Variants in LPO observed in about 807,000 individuals in gnomAD.
The protein encoded by LPO is lactoperoxidase, also known as salivary peroxidase.
In LPO, 70 loss-of-function variants were observed where a neutral mutation model predicts 68.4. That is an observed-to-expected ratio of 1.02 (90% CI 0.84 to 1.25). The LOEUF (loss-of-function observed/expected upper bound fraction) is 1.25, where lower values mean the gene tolerates loss of function less well. Among genes scored for constraint, LPO ranks in the 50% most tolerant of loss-of-function variants. The pLI, the probability that LPO is intolerant of heterozygous loss-of-function variation, is 0.00. For missense variants in LPO, 873 were observed against 908.4 expected (o/e 0.96, Z 0.50); for synonymous variants, 360 against 357.6 (o/e 1.01, Z -0.08).
intron 9 of LPO, among the ~76,000 whole-genome samples, chr17:58,257,623 A>T (rs915029762): frequency 1.4e-4 from 21 of 152,182 alleles, no homozygotes; most frequent in African/African-American, 4.8e-4. Flanking sequence ...TATCTCTTTG[A>T]TATACTGATT....
At chr17:58,249,287 C>T (rs1328326287) in intron 5 of LPO, 110 bp downstream of exon 5, 1 of 1,049,154 alleles carries the variant, frequency 9.5e-7, no homozygotes, top group Non-Finnish European at 1.4e-6. Context: ...CCTTGCCCAC[C>T]TGGGCTGGCG....
chr17:58,256,516 G>A (rs1431866664), intron 9 of LPO, among the ~76,000 whole-genome samples: 3 of 151,570 alleles, frequency 2.0e-5, no homozygotes, highest in Admixed American at 1.3e-4. Context: ...TAAGCACATC[G>A]TGAAGAATGA....
At position 58,267,435 on chromosome 17, in the gene LPO, G is replaced by A. The variant is rs752945647; in HGVS notation, c.1780G>A (p.Ala594Thr). ...LNTVLKSKML[A>T]KKLLGLYGTP... Reference sequence around the variant, plus strand: ...CACAGTGCTGAAGAGCAAGATGCTGGCCAAGAAGTTACTGGGTCTCTACGG... The same window carrying A: ...CACAGTGCTGAAGAGCAAGATGCTGACCAAGAAGTTACTGGGTCTCTACGG... The change falls in exon 12 of 13, where the codon GCC becomes ACC. Residue 594 changes from alanine to threonine, a missense_variant. Ala to Thr is a moderately conservative substitution (Grantham distance 58). Coordinates refer to ENST00000262290, the MANE Select transcript of LPO (RefSeq NM_006151.3). 3.7e-6 allele frequency: 6 copies of A among 1,614,098 alleles called. No individual in the cohort carries two copies.
intron 1 of LPO, among the ~76,000 whole-genome samples, chr17:58,239,523 C>A (rs1458472402): frequency 1.3e-5 from 2 of 152,052 alleles, no homozygotes; most frequent in Non-Finnish European, 1.5e-5. Flanking sequence ...CTCAAAAGAT[C>A]AAGAGAGTGT....
At chr17:58,249,400 C>G (rs1969913540) in intron 5 of LPO, 166 bp from the exon 6 acceptor site, 1 of 1,136,800 alleles carries the variant, frequency 8.8e-7, no homozygotes, top group Non-Finnish European at 1.2e-6. Context: ...GCGGGGGAGC[C>G]CCGCGCCTTC....
At position 58,266,251 on chromosome 17, in the gene LPO, C is replaced by T; in HGVS notation, c.1618C>T (p.Gln540Ter). The change falls in exon 11 of 13, where the codon CAG (glutamine) becomes TAG (stop). Residue 540 changes from glutamine to a stop codon, truncating the protein, a stop_gained. Transcript: ENST00000262290. LOFTEE classifies it high-confidence loss of function. ...TGGAGAGCTGCGCAACAAGCTTTTCCAGCCAACTCACAGGATCCATGGCTT... is the reference window on the plus strand; with the variant it reads ...TGGAGAGCTGCGCAACAAGCTTTTCTAGCCAACTCACAGGATCCATGGCTT... ...MTGELRNKLF[Q>*]PTHRIHGFDL... 1 of 1,614,136 alleles carries T rather than the reference C, an allele frequency of 6.2e-7. No homozygotes were observed. Among genetic ancestry groups the T allele is most frequent in the Non-Finnish European group, 8.5e-7 (1 of 1,180,036 alleles).
At chr17:58,249,282 C>A in intron 5 of LPO, 105 bp downstream of exon 5, 1 of 1,077,782 alleles carries the variant, frequency 9.3e-7, no homozygotes, top group Non-Finnish European at 1.3e-6. Context: ...CACTGCCTTG[C>A]CCACCTGGGC....
chr17:58,252,265 C>A lies in LPO; in HGVS notation c.864C>A (p.Pro288=). ...FRAGFVCPTP[P]YKSLAREQIN... ...CTGGGTTCGTCTGCCCCACTCCACC[C>A]TACAAGTCCCTGGCCCGAGAGCAGA... The change falls in exon 8 of 13, where the codon CCC becomes CCA. Residue 288 remains proline, a synonymous_variant. Transcript: ENST00000262290. 6.2e-7 allele frequency: 1 copy of A among 1,614,208 alleles called. No individual in the cohort carries two copies. The highest frequency in any genetic ancestry group is 8.5e-7 in the Non-Finnish European group (1 of 1,180,020).
intron 3 of LPO, among the ~76,000 whole-genome samples, chr17:58,246,635 C>T (rs1364994596): frequency 6.6e-6 from 1 of 152,072 alleles, no homozygotes; most frequent in East Asian, 1.9e-4. Flanking sequence ...CAGGCTAAGC[C>T]CAGGGAGGCC....
At chr17:58,244,242 T>C in intron 3 of LPO, 161 bp downstream of exon 3, 1 of 634,892 alleles carries the variant, frequency 1.6e-6, no homozygotes, top group Non-Finnish European at 2.8e-6. Flanking sequence ...GCCCTCCAAG[T>C]ACATGACAAG....
chr17:58,243,972 T>G, intron 2 of LPO, 22 bp from the exon 3 acceptor site: 1 of 1,570,002 alleles, frequency 6.4e-7, no homozygotes, highest in East Asian at 2.2e-5. Context: ...CCCTACTTCC[T>G]GCTCCCCACT....
In LPO at chr17:58,264,743, C is replaced by G. The variant is rs745535577; in HGVS notation, c.1288C>G (p.Leu430Val). Residue 430 changes from leucine (L) to valine (V), a missense_variant, in exon 10 of 13, where the codon CTA (leucine) becomes GTA (valine). Coordinates refer to ENST00000262290, the MANE Select transcript of LPO (RefSeq NM_006151.3). ...CCAGATTATCACCTTTAGGGACTAC[C>G]TACCCATTTTGCTAGGTGACCACAT... ...FVQIITFRDY[L>V]PILLGDHMQK... 1 of 1,614,154 alleles carries G rather than the reference C, an allele frequency of 6.2e-7. No individual in the cohort carries two copies. The highest frequency in any genetic ancestry group is 2.2e-5 in the East Asian group (1 of 44,888).
chr17:58,249,695 G>T lies in LPO; in HGVS notation c.573G>T (p.Leu191=). 6.4e-7 allele frequency: 1 copy of T among 1,564,566 alleles called. No individual in the cohort carries two copies. Residue 191 remains leucine (L), a splice_region_variant and synonymous_variant, in exon 6 of 13, where the codon CTG becomes CTT. Transcript: ENST00000262290. The part of the protein sequence containing the change: ...GKTRNGFPLP[L]AREVSNKIVG... ...CGCGCAACGGCTTCCCTCTCCCGCT[G>T]GTGAGGGCAGGCCGGGCCGGGGTGA... is the stretch of plus-strand genomic sequence containing the variant.
In LPO at chr17:58,268,456, C is replaced by T. The variant is rs8178418; in HGVS notation, c.*462C>T. On this transcript the variant is annotated 3_prime_UTR_variant, in exon 13 of 13. Coordinates refer to ENST00000262290, the MANE Select transcript of LPO (RefSeq NM_006151.3). ...TGACTAAAGATGCTAGGCGTGACACCGTTCCCTCCAAAAGCAGACCTCGGA... is the reference window on the plus strand; with the variant it reads ...TGACTAAAGATGCTAGGCGTGACACTGTTCCCTCCAAAAGCAGACCTCGGA... 366 of 164,836 alleles carry T rather than the reference C, an allele frequency of 2.2e-3. No homozygotes were observed. The highest frequency in any genetic ancestry group is 7.1e-3 in the African/African-American group (298 of 41,704). The allele number at this position is 164,836 out of a possible 1,614,324, so 10.2% of individuals were successfully genotyped here.
intron 8 of LPO, among the ~76,000 whole-genome samples, chr17:58,253,217 T>C (rs1969998696): frequency 6.6e-6 from 1 of 152,164 alleles, no homozygotes; most frequent in Non-Finnish European, 1.5e-5. Flanking sequence ...CTCCAAAACC[T>C]GATGTCTTCA....
At chr17:58,258,316 T>A (rs1440545545) in intron 9 of LPO, among the ~76,000 whole-genome samples, 1 of 152,240 alleles carries the variant, frequency 6.6e-6, no homozygotes, top group African/African-American at 2.4e-5. Flanking sequence ...TTGATTTTTA[T>A]ATATGGGTAA....
At position 58,264,747 on chromosome 17, in the gene LPO, C is replaced by A. The variant is rs1474562323; in HGVS notation, c.1292C>A (p.Pro431His). The A allele has an allele frequency of 6.2e-7, 1 of 1,614,140 alleles. No homozygotes were observed. ...ATTATCACCTTTAGGGACTACCTAC[C>A]CATTTTGCTAGGTGACCACATGCAG... is the stretch of plus-strand genomic sequence containing the variant. ...VQIITFRDYLPILLGDHMQKW... is the reference protein window; with the variant it reads ...VQIITFRDYLHILLGDHMQKW... The change falls in exon 10 of 13, where the codon CCC (proline) becomes CAC (histidine). Residue 431 changes from proline (P) to histidine (H), a missense_variant. Physicochemically the swap from Pro to His is moderately conservative, Grantham distance 77. Coordinates refer to ENST00000262290, the MANE Select transcript of LPO (RefSeq NM_006151.3).
chr17:58,260,481 G>A (rs1178595508), intron 9 of LPO, among the ~76,000 whole-genome samples: 1 of 152,158 alleles, frequency 6.6e-6, no homozygotes, highest in Non-Finnish European at 1.5e-5. Context: ...AATCGAGAAA[G>A]TATTCAATCT....
At position 58,250,639 on chromosome 17, in the gene LPO, G is replaced by A. The variant is rs1329553326; in HGVS notation, c.780+18G>A. 2 of 1,611,866 alleles carry A rather than the reference G, an allele frequency of 1.2e-6. No homozygotes were observed. The highest frequency in any genetic ancestry group is 2.2e-5 in the East Asian group (1 of 44,844). On this transcript the variant is annotated intron_variant, in intron 7 of 12. Coordinates refer to ENST00000262290, the MANE Select transcript of LPO (RefSeq NM_006151.3). Reference sequence around the variant, plus strand: ...CCATCATGGTACGGCCCTGCAGCTAGGCATCTCTGACTAGCCCCTTGCCCA... The same window carrying A: ...CCATCATGGTACGGCCCTGCAGCTAAGCATCTCTGACTAGCCCCTTGCCCA...
Sources: allele counts gnomAD v4.1 joint callset (sites outside exome capture counted in the v4.1 genomes callset), GRCh38; gene constraint gnomAD v4.1.1; transcripts MANE v1.5; gene names NCBI Gene and HGNC (gene_info 2026-07-23, HGNC 2026-07-21).